Variants in DIAPH2 observed in about 807,000 individuals in gnomAD.
DIAPH2 encodes diaphanous related formin 2.
Under a neutral mutation model 92.7 loss-of-function variants are expected in DIAPH2, and 35 were observed. The ratio of observed to expected loss-of-function variants is 0.38; its 90% CI spans 0.29 to 0.50. DIAPH2 has a LOEUF of 0.50. Ranked by LOEUF, DIAPH2 falls within the 20% of genes least tolerant of loss-of-function variation. The pLI is 0.94. For synonymous variants in DIAPH2, 301 were observed against 280.4 expected (o/e 1.07, Z -0.73); for missense variants, 701 against 819.5 (o/e 0.86, Z 1.77).
chrX:97,451,881 C>T (rs1267690180), intron 26 of DIAPH2, among the ~76,000 whole-genome samples: 1 of 111,534 alleles, frequency 9.0e-6, no homozygotes, highest in Non-Finnish European at 1.9e-5. Context: ...GTAACCTGGC[C>T]TTCATAGTTC....
chrX:96,740,594 A>G (rs774125807), intron 3 of DIAPH2, among the ~76,000 whole-genome samples: 2 of 111,471 alleles, frequency 1.8e-5, no homozygotes, highest in South Asian at 7.6e-4. Flanking sequence ...ATTCACTTCT[A>G]ATTTCTTGCC....
intron 22 of DIAPH2, among the ~76,000 whole-genome samples, chrX:97,165,692 G>T (rs1304559551): frequency 9.5e-6 from 1 of 105,671 alleles, no homozygotes; most frequent in African/African-American, 3.5e-5. Context: ...TAGTAGAGAC[G>T]CATTTTCATT....
At chrX:96,882,285 G>A (rs909529969) in intron 5 of DIAPH2, among the ~76,000 whole-genome samples, 3 of 110,410 alleles carry the variant, frequency 2.7e-5, no homozygotes, top group Admixed American at 1.9e-4. Flanking sequence ...TCTTGATCTC[G>A]TGATCCACCT....
rs1448369330 is a variant in DIAPH2 at position 97,603,549 on chromosome X, A to T, written c.*4232A>T. On this transcript the variant is annotated 3_prime_UTR_variant, in exon 27 of 27. Transcript: ENST00000324765. The stretch of plus-strand genomic sequence containing the variant: ...TGCCGGATTACAGGTGTAAGCCACC[A>T]TGCCCAGCCTGTTTTGTCAATGTAT... 1.8e-5 allele frequency: 2 copies of T among 112,007 alleles called. No homozygotes were observed. The highest frequency in any genetic ancestry group is 6.5e-5 in the African/African-American group (2 of 30,795). 9.2% of individuals were successfully genotyped at this position (112,007 alleles called of 1,213,427 possible). A position where few individuals can be genotyped will look rare whatever the true frequency, so the allele number is the denominator to read the frequency against.
chrX:96,830,755 GA>G (rs927712998), intron 4 of DIAPH2, among the ~76,000 whole-genome samples: 19 of 107,660 alleles, frequency 1.8e-4, no homozygotes, highest in African/African-American at 3.4e-4. Flanking sequence ...CATAACATTT[GA>G]AAAAAAAAGT....
chrX:97,368,186 T>C (rs1258987213), intron 24 of DIAPH2, among the ~76,000 whole-genome samples: 2 of 112,656 alleles, frequency 1.8e-5, no homozygotes, highest in Non-Finnish European at 3.7e-5. Context: ...AGTTTCTCTT[T>C]TTAAAATTTA....
intron 25 of DIAPH2, among the ~76,000 whole-genome samples, chrX:97,397,543 C>G (rs1020246815): frequency 1.8e-5 from 2 of 111,701 alleles, no homozygotes; most frequent in Non-Finnish European, 3.8e-5. Flanking sequence ...TGGACAGGGT[C>G]CAGGAGGTTC....
intron 17 of DIAPH2, among the ~76,000 whole-genome samples, chrX:97,001,953 G>A (rs1324762429): frequency 1.8e-5 from 2 of 110,242 alleles, no homozygotes; most frequent in Admixed American, 1.9e-4. Context: ...CTTGAAAACA[G>A]AATGAGCATC....
At chrX:97,150,603 C>A (rs2067278953) in intron 22 of DIAPH2, among the ~76,000 whole-genome samples, 1 of 111,598 alleles carries the variant, frequency 9.0e-6, no homozygotes, top group Admixed American at 9.5e-5. Flanking sequence ...TTTTTAAAGG[C>A]CCACTTTAAA....
chrX:96,870,106 T>C (rs978290393), intron 4 of DIAPH2, among the ~76,000 whole-genome samples: 4 of 111,252 alleles, frequency 3.6e-5, no homozygotes, highest in Non-Finnish European at 7.5e-5. Flanking sequence ...TTAGATATAG[T>C]CTCAGACAAG....
chrX:97,058,053 C>G (rs1419656519), intron 17 of DIAPH2, among the ~76,000 whole-genome samples: 1 of 110,777 alleles, frequency 9.0e-6, no homozygotes, highest in Non-Finnish European at 1.9e-5. Flanking sequence ...AAGAGTGATT[C>G]CAGGAAGCTT....
intron 24 of DIAPH2, among the ~76,000 whole-genome samples, chrX:97,359,083 G>A (rs947440567): frequency 1.8e-5 from 2 of 111,329 alleles, no homozygotes; most frequent in African/African-American, 6.5e-5. Flanking sequence ...CTGGTCTTTG[G>A]CACCATGCTA....
chrX:97,015,735 C>T (rs2066255378), intron 17 of DIAPH2, among the ~76,000 whole-genome samples: 1 of 102,005 alleles, frequency 9.8e-6, no homozygotes, highest in African/African-American at 3.7e-5. Flanking sequence ...TTGCAGTGAG[C>T]TGACATTGAG....
At chrX:96,820,840 GAT>G (rs2064772966) in intron 4 of DIAPH2, among the ~76,000 whole-genome samples, 1 of 111,846 alleles carries the variant, frequency 8.9e-6, no homozygotes, top group Admixed American at 9.5e-5. Flanking sequence ...AAAATGGAAA[GAT>G]GTGATAGTGA....
chrX:97,339,008 T>C (rs898384563), intron 23 of DIAPH2, among the ~76,000 whole-genome samples: 2 of 111,875 alleles, frequency 1.8e-5, no homozygotes, highest in African/African-American at 6.5e-5. Flanking sequence ...ACTTACTTTC[T>C]ATTTTGGTAT....
At chrX:96,837,258 T>C (rs952948358) in intron 4 of DIAPH2, among the ~76,000 whole-genome samples, 4 of 111,145 alleles carry the variant, frequency 3.6e-5, no homozygotes, top group Non-Finnish European at 7.5e-5. Flanking sequence ...TATTAGGTAA[T>C]GACCAGTTCC....
At chrX:97,418,104 T>C (rs970721648) in intron 25 of DIAPH2, among the ~76,000 whole-genome samples, 1 of 111,834 alleles carries the variant, frequency 8.9e-6, no homozygotes, top group African/African-American at 3.3e-5. Flanking sequence ...GAATTGTTTG[T>C]TTCTGGAATT....
intron 5 of DIAPH2, chrX:96,883,887 A>G (rs1249524697): frequency 1.1e-4 from 14 of 124,304 alleles, no homozygotes; most frequent in Non-Finnish European, 2.1e-4. Context: ...AAGTTGCAGC[A>G]TTAAGAAATA....
chrX:97,191,818 G>A (rs1282610678), intron 22 of DIAPH2, among the ~76,000 whole-genome samples: 2 of 111,195 alleles, frequency 1.8e-5, no homozygotes, highest in Non-Finnish European at 3.8e-5. Context: ...CTGGATAGCA[G>A]CATGAGCTTT....
Sources: gnomAD v4.1 joint callset for allele counts (sites outside exome capture counted in the v4.1 genomes callset) on GRCh38, gnomAD v4.1.1 for gene constraint, MANE v1.5 for transcripts, NCBI Gene and HGNC (gene_info 2026-07-23, HGNC 2026-07-21) for gene names.